DLG1: variants seen among roughly 807,000 people sequenced by gnomAD.
The protein encoded by DLG1 is disks large homolog 1.
Under a neutral mutation model 123.4 loss-of-function variants are expected in DLG1, and 42 were observed. The observed-to-expected ratio is 0.34, with a 90% CI of 0.27 to 0.44. DLG1 has a LOEUF of 0.44. DLG1 is among the 20% of genes least tolerant of loss of function. The pLI is 1.00. For missense variants in DLG1, 942 were observed against 1,082.6 expected (o/e 0.87, Z 1.82); for synonymous variants, 317 against 356.2 (o/e 0.89, Z 1.24).
chr3:197,284,373 T>C (rs1313905569), intron 3 of DLG1, among the ~76,000 whole-genome samples: 1 of 152,014 alleles, frequency 6.6e-6, no homozygotes, highest in Non-Finnish European at 1.5e-5. Context: ...TATAGCAAAA[T>C]AATGCTTCAA....
chr3:197,076,718 A>C, intron 17 of DLG1, 33 bp from the exon 18 acceptor site: 2 of 1,538,876 alleles, frequency 1.3e-6, no homozygotes, highest in Non-Finnish European at 1.8e-6. Context: ...AAACAAAGGG[A>C]TGTCTACTGT....
At chr3:197,212,446 A>G (rs1312924696) in intron 4 of DLG1, among the ~76,000 whole-genome samples, 1 of 152,206 alleles carries the variant, frequency 6.6e-6, no homozygotes, top group African/African-American at 2.4e-5. Context: ...TGAAAACCCT[A>G]AGGAATTTAC....
intron 13 of DLG1, among the ~76,000 whole-genome samples, chr3:197,114,987 GAAAAA>G (rs375841391): frequency 4.2e-4 from 36 of 86,066 alleles, no homozygotes; most frequent in South Asian, 9.0e-4. Context: ...CCATCTCAAG[GAAAAA>G]AAAAAAAAAA....
At chr3:197,252,699 T>C (rs1168580916) in intron 4 of DLG1, among the ~76,000 whole-genome samples, 1 of 152,208 alleles carries the variant, frequency 6.6e-6, no homozygotes, top group East Asian at 1.9e-4. Flanking sequence ...ATGTATTTAA[T>C]ACCACTTAAC....
At chr3:197,187,836 T>C (rs548041253) in intron 5 of DLG1, among the ~76,000 whole-genome samples, 2 of 152,344 alleles carry the variant, frequency 1.3e-5, no homozygotes, top group East Asian at 3.9e-4. Context: ...GTCCTTCTCT[T>C]CGACATTAAG....
At chr3:197,169,248 T>C (rs1802895385) in intron 5 of DLG1, among the ~76,000 whole-genome samples, 1 of 152,248 alleles carries the variant, frequency 6.6e-6, no homozygotes, top group African/African-American at 2.4e-5. Flanking sequence ...ACTACTTTTA[T>C]TAAAGCCTTT....
At chr3:197,072,162 A>T (rs1744349720) in intron 18 of DLG1, among the ~76,000 whole-genome samples, 1 of 152,062 alleles carries the variant, frequency 6.6e-6, no homozygotes, top group Non-Finnish European at 1.5e-5. Context: ...TTCATTAGGC[A>T]CTTCCCAACT....
At chr3:197,101,830 C>T (rs1579202872) in intron 14 of DLG1, among the ~76,000 whole-genome samples, 2 of 152,138 alleles carry the variant, frequency 1.3e-5, no homozygotes, top group Non-Finnish European at 2.9e-5. Flanking sequence ...CTCACTCTGT[C>T]GCCCAGGCTC....
chr3:197,057,081 T>C (rs778645626), intron 23 of DLG1, among the ~76,000 whole-genome samples: 3 of 134,856 alleles, frequency 2.2e-5, no homozygotes, highest in African/African-American at 9.1e-5. Context: ...TACTGACTCT[T>C]TGTTTTTTTT....
chr3:197,178,286 A>G (rs1000533209), intron 5 of DLG1, among the ~76,000 whole-genome samples: 2 of 152,156 alleles, frequency 1.3e-5, no homozygotes, highest in Admixed American at 6.6e-5. Flanking sequence ...AATCATAAAT[A>G]TATCTTGAAT....
chr3:197,112,465 T>C (rs926150992), intron 13 of DLG1, among the ~76,000 whole-genome samples: 7 of 152,246 alleles, frequency 4.6e-5, no homozygotes, highest in African/African-American at 1.7e-4. Flanking sequence ...GCATTTTTAA[T>C]TGGGTTATTC....
chr3:197,133,836 G>T (rs1783830444), intron 10 of DLG1, among the ~76,000 whole-genome samples: 1 of 152,148 alleles, frequency 6.6e-6, no homozygotes, highest in Admixed American at 6.5e-5. Context: ...ATGAAAAAGT[G>T]TTAGAAGGAG....
chr3:197,148,810 T>C (rs1792431338), intron 6 of DLG1, among the ~76,000 whole-genome samples: 1 of 152,134 alleles, frequency 6.6e-6, no homozygotes, highest in African/African-American at 2.4e-5. Context: ...AGAAAAAATA[T>C]AAAAATAATG....
chr3:197,147,768 A>C (rs953273445), intron 6 of DLG1, among the ~76,000 whole-genome samples: 3 of 151,820 alleles, frequency 2.0e-5, no homozygotes, highest in Non-Finnish European at 4.4e-5. Context: ...ATCACCACTA[A>C]CTTATTCATG....
intron 4 of DLG1, among the ~76,000 whole-genome samples, chr3:197,201,339 G>A (rs947536550): frequency 6.6e-6 from 1 of 152,190 alleles, no homozygotes; most frequent in African/African-American, 2.4e-5. Flanking sequence ...AGCCAAGATC[G>A]CGCCACTGCG....
At chr3:197,198,986 T>C (rs1724139971) in intron 4 of DLG1, among the ~76,000 whole-genome samples, 1 of 152,184 alleles carries the variant, frequency 6.6e-6, no homozygotes, top group Admixed American at 6.5e-5. Context: ...AATTAGTTAG[T>C]GGTGGTAGGT....
intron 1 of DLG1, chr3:197,298,234 C>T (rs1470922270): frequency 2.9e-6 from 1 of 339,562 alleles, no homozygotes; most frequent in African/African-American, 2.1e-5. Context: ...CGCGCTGCTA[C>T]CTTCGGGTTG....
At chr3:197,176,820 A>T (rs1341118732) in intron 5 of DLG1, among the ~76,000 whole-genome samples, 1 of 152,160 alleles carries the variant, frequency 6.6e-6, no homozygotes, top group Non-Finnish European at 1.5e-5. Flanking sequence ...GCAAATACCA[A>T]GGAGTACAAC....
intron 5 of DLG1, among the ~76,000 whole-genome samples, chr3:197,173,928 A>G (rs1303224666): frequency 6.6e-6 from 1 of 152,088 alleles, no homozygotes; most frequent in Admixed American, 6.6e-5. Flanking sequence ...ACATGGCGAA[A>G]CCCAGTCAGT....
Sources: allele counts gnomAD v4.1 joint callset (sites outside exome capture counted in the v4.1 genomes callset), GRCh38; gene constraint gnomAD v4.1.1; transcripts MANE v1.5; gene names NCBI Gene and HGNC (gene_info 2026-07-23, HGNC 2026-07-21).